Variants in PCDHGA1 observed in about 807,000 individuals in gnomAD.
PCDHGA1 encodes the protein protocadherin gamma-A1.
In PCDHGA1, 32 loss-of-function variants were observed where a neutral mutation model predicts 58.0. The observed-to-expected ratio is 0.55, with a 90% CI of 0.42 to 0.74. The LOEUF is 0.74. PCDHGA1 is among the 30% of genes least tolerant of loss of function. PCDHGA1 has a pLI of 0.00. For synonymous variants in PCDHGA1, 498 were observed against 501.1 expected (o/e 0.99, Z 0.08); for missense variants, 1,205 against 1,182.3 (o/e 1.02, Z -0.28).
rs1562052190 is a variant in PCDHGA1, at chr5:141,476,218, CTA to C, written c.2422-18587_2422-18586del. The C allele has an allele frequency of 6.2e-7, 1 of 1,613,984 alleles. No individual in the cohort carries two copies. The highest frequency in any genetic ancestry group is 8.5e-7 in the Non-Finnish European group (1 of 1,180,024). ...TGAACAAGGCTTCCACGGTCATTCA[CTA>C]TGAGATCCCGGAGGAAAGAGAGAAG... On this transcript the variant is annotated intron_variant, in intron 1 of 3. Coordinates refer to ENST00000517417, the MANE Select transcript of PCDHGA1 (RefSeq NM_018912.3). This position sits in a 1 kb window ranked among gnomAD's most constrained non-coding sequence, Gnocchi z 7.6.
chr5:141,350,574 C>T (rs369499342), intron 1 of PCDHGA1: 1 of 1,614,004 alleles, frequency 6.2e-7, no homozygotes, highest in Non-Finnish European at 8.5e-7. Flanking sequence ...GAATTCGAAA[C>T]GGTCGCTGAA....
rs372202008 is a variant in PCDHGA1, at chr5:141,404,550, C to T, written c.2421+71445C>T. The stretch of plus-strand genomic sequence containing the variant: ...TTTAGAGATTTGCAAATGCAGGTGA[C>T]GGCAAGTGACAGTGGAAGCCCACCA... On this transcript the variant is annotated intron_variant, in intron 1 of 3. Coordinates refer to ENST00000517417, the MANE Select transcript of PCDHGA1 (RefSeq NM_018912.3). The T allele has an allele frequency of 2.8e-4, 448 of 1,613,648 alleles. 1 individual carries two copies. The highest frequency in any genetic ancestry group is 9.8e-4 in the South Asian group (89 of 91,080).
At chr5:141,355,525 C>G (rs372880202) in intron 1 of PCDHGA1, 3 of 1,613,910 alleles carry the variant, frequency 1.9e-6, no homozygotes, top group African/African-American at 2.7e-5. Flanking sequence ...CCTGGAGATT[C>G]TTCTAGAAGA....
chr5:141,340,804 C>T lies in PCDHGA1; in HGVS notation c.2421+7699C>T, dbSNP rs778711348. 5 of 1,613,750 alleles carry T rather than the reference C, an allele frequency of 3.1e-6. No homozygotes were observed. The Admixed American group carries it at 8.3e-5, about 27-fold the overall frequency. ...GGCTGTCTTACCACCTGCTCAAGGCCAGCGAGCCGGGACTCTTCTCGGTGG... is the reference window on the plus strand; with the variant it reads ...GGCTGTCTTACCACCTGCTCAAGGCTAGCGAGCCGGGACTCTTCTCGGTGG... On this transcript the variant is annotated intron_variant, in intron 1 of 3. Transcript: ENST00000517417.
chr5:141,494,449 G>A (rs185095384), intron 1 of PCDHGA1, among the ~76,000 whole-genome samples: 2 of 152,254 alleles, frequency 1.3e-5, no homozygotes, highest in East Asian at 3.9e-4. Flanking sequence ...CACTTTAGGG[G>A]GCTTTGTCTG....
intron 1 of PCDHGA1, chr5:141,374,783 G>A: frequency 6.2e-7 from 1 of 1,613,908 alleles, no homozygotes; most frequent in Non-Finnish European, 8.5e-7. Flanking sequence ...AACAGTTCTA[G>A]ATGTGAATGA....
At chr5:141,380,669 G>C (rs1434222643) in intron 1 of PCDHGA1, among the ~76,000 whole-genome samples, 1 of 152,174 alleles carries the variant, frequency 6.6e-6, no homozygotes, top group Non-Finnish European at 1.5e-5. Flanking sequence ...TTACTCCATA[G>C]GGTATGTATG....
chr5:141,447,119 A>AT (rs2098526425), intron 1 of PCDHGA1, among the ~76,000 whole-genome samples: 1 of 150,848 alleles, frequency 6.6e-6, no homozygotes, highest in South Asian at 2.1e-4. Flanking sequence ...TGCTCCATGG[A>AT]TTTTTTTGTT....
chr5:141,366,535 G>A (rs1463456881), intron 1 of PCDHGA1: 1 of 1,614,144 alleles, frequency 6.2e-7, no homozygotes, highest in Non-Finnish European at 8.5e-7. Flanking sequence ...TGGCGGGTGT[G>A]CCCGCCTCGC....
In PCDHGA1 at chr5:141,477,955, C is replaced by T. The variant is rs748233998; in HGVS notation, c.2422-16852C>T. The T allele has an allele frequency of 3.7e-6, 6 of 1,614,004 alleles. No homozygotes were observed. Among genetic ancestry groups the T allele is most frequent in the Admixed American group, 3.3e-5 (2 of 59,988 alleles). On this transcript the variant is annotated intron_variant, in intron 1 of 3. Transcript: ENST00000517417. This position sits in a 1 kb window ranked among gnomAD's most constrained non-coding sequence, Gnocchi z 4.9. ...GGCTCTCCTACAGTCTCTTGGGATCCCCTAACCAGAGCCTTTTTGCCATAG... is the reference window on the plus strand; with the variant it reads ...GGCTCTCCTACAGTCTCTTGGGATCTCCTAACCAGAGCCTTTTTGCCATAG...
At chr5:141,460,536 G>T (rs911670681) in intron 1 of PCDHGA1, among the ~76,000 whole-genome samples, 1 of 152,092 alleles carries the variant, frequency 6.6e-6, no homozygotes, top group African/African-American at 2.4e-5. Context: ...AATAATCTTA[G>T]CACCTTAATC....
chr5:141,491,353 T>A lies in PCDHGA1; in HGVS notation c.2422-3454T>A. On this transcript the variant is annotated intron_variant, in intron 1 of 3. Coordinates refer to ENST00000517417, the MANE Select transcript of PCDHGA1 (RefSeq NM_018912.3). This position sits in a 1 kb window ranked among gnomAD's most constrained non-coding sequence, Gnocchi z 6.9. ...GGCTCTAGCGACCGTCAGTCTCTTATCCCTAGTCACCTTCACCTTTCTGTC... is the reference window on the plus strand; with the variant it reads ...GGCTCTAGCGACCGTCAGTCTCTTAACCCTAGTCACCTTCACCTTTCTGTC... The A allele has an allele frequency of 6.2e-7, 1 of 1,614,160 alleles. No homozygotes were observed. Among genetic ancestry groups the A allele is most frequent in the South Asian group, 1.1e-5 (1 of 91,080 alleles).
chr5:141,448,669 G>A (rs553283446), intron 1 of PCDHGA1, among the ~76,000 whole-genome samples: 13 of 152,136 alleles, frequency 8.5e-5, no homozygotes, highest in African/African-American at 7.2e-5. Flanking sequence ...GGCCGGGCGC[G>A]GTGGCTCACG....
intron 1 of PCDHGA1, chr5:141,362,266 A>G (rs1180216273): frequency 1.2e-6 from 2 of 1,613,342 alleles, no homozygotes; most frequent in Non-Finnish European, 1.7e-6. Context: ...GATTCTGGCA[A>G]TCTCCCTGCG....
chr5:141,490,279 G>A lies in PCDHGA1; in HGVS notation c.2422-4528G>A, dbSNP rs1344083401. The A allele has an allele frequency of 5.6e-6, 9 of 1,614,228 alleles. No individual in the cohort carries two copies. In the East Asian group the frequency reaches 1.8e-4, roughly 32 times the overall value. On this transcript the variant is annotated intron_variant, in intron 1 of 3. Coordinates refer to ENST00000517417, the MANE Select transcript of PCDHGA1 (RefSeq NM_018912.3). This position sits in a 1 kb window ranked among gnomAD's most constrained non-coding sequence, Gnocchi z 5.4. ...GGATGTGGGGGATGTCAATGACAAT[G>A]CCCCAGAGGTGCTATTGGCCTCTTT...
intron 1 of PCDHGA1, chr5:141,344,586 G>C (rs924190698): frequency 6.2e-7 from 1 of 1,613,990 alleles, no homozygotes. Flanking sequence ...TGTGAATAGC[G>C]TCTCTGAGGG....
intron 1 of PCDHGA1, among the ~76,000 whole-genome samples, chr5:141,472,147 G>T (rs2099272889): frequency 6.6e-6 from 1 of 152,112 alleles, no homozygotes; most frequent in South Asian, 2.1e-4. Flanking sequence ...AAAGTTTCAT[G>T]GTTACATAGC....
chr5:141,390,185 T>C, intron 1 of PCDHGA1: 1 of 1,614,042 alleles, frequency 6.2e-7, no homozygotes, highest in Non-Finnish European at 8.5e-7. Context: ...TCCTAAAATG[T>C]AGTGAGCAGT....
rs767245444 is a variant in PCDHGA1, at chr5:141,393,478, G to A, written c.2421+60373G>A. 1 of 1,614,052 alleles carries A rather than the reference G, an allele frequency of 6.2e-7. No homozygotes were observed. On this transcript the variant is annotated intron_variant, in intron 1 of 3. Transcript: ENST00000517417. ...GCCTCGGATGGCGGCAAGCCGCCTC[G>A]CTCTAGCACAGTGCGCATCCACGTG... is the stretch of plus-strand genomic sequence containing the variant.
Sources: gnomAD v4.1 joint callset for allele counts (sites outside exome capture counted in the v4.1 genomes callset) on GRCh38, gnomAD v4.1.1 for gene constraint, Gnocchi (gnomAD v3.1) non-coding constraint, MANE v1.5 for transcripts, NCBI Gene and HGNC (gene_info 2026-07-23, HGNC 2026-07-21) for gene names.